The following KLF17 variants were observed in gnomAD, a reference collection of about 807,000 sequenced individuals.
KLF17 encodes the protein KLF transcription factor 17.
A neutral mutation model predicts 34.2 loss-of-function variants in KLF17; 31 were observed. That is an observed-to-expected ratio of 0.91 (90% CI 0.68 to 1.22). KLF17 has a LOEUF of 1.22. Ranked by LOEUF, KLF17 falls within the 50% of genes most tolerant of loss-of-function variation. The pLI, the probability that KLF17 is intolerant of heterozygous loss-of-function variation, is 0.00. For missense variants in KLF17, 478 were observed against 505.2 expected (o/e 0.95, Z 0.52); for synonymous variants, 179 against 186.7 (o/e 0.96, Z 0.34).
At chr1:44,079,487 G>T in the KLF17 span, among the ~76,000 whole-genome samples, 2 of 151,792 alleles carry the variant, frequency 1.3e-5, no homozygotes, top group African/African-American at 4.8e-5. Flanking sequence ...ATTTTTCATA[G>T]AGGTGAGGTC....
chr1:44,057,183 G>A, the KLF17 span, among the ~76,000 whole-genome samples: 1 of 152,066 alleles, frequency 6.6e-6, no homozygotes, highest in Non-Finnish European at 1.5e-5. Flanking sequence ...TGAGACAAAA[G>A]CTTTGCCTCC....
At chr1:44,079,220 T>G in the KLF17 span, among the ~76,000 whole-genome samples, 1 of 152,164 alleles carries the variant, frequency 6.6e-6, no homozygotes, top group African/African-American at 2.4e-5. Context: ...TCCCTACATC[T>G]GCTATGCCTG....
At chr1:44,056,870 T>C in the KLF17 span, among the ~76,000 whole-genome samples, 4 of 152,008 alleles carry the variant, frequency 2.6e-5, no homozygotes, top group Non-Finnish European at 5.9e-5. Context: ...AGGACACCAA[T>C]GGCTAACAGG....
chr1:44,073,412 G>C, the KLF17 span, among the ~76,000 whole-genome samples: 1 of 151,164 alleles, frequency 6.6e-6, no homozygotes. Context: ...CACCATGTTG[G>C]CCAGGCTGGT....
intron 1 of KLF17, 40 bp from the exon 2 acceptor site, chr1:44,129,313 T>G (rs769921945): frequency 6.6e-7 from 1 of 1,506,872 alleles, no homozygotes; most frequent in Non-Finnish European, 8.9e-7. Flanking sequence ...CATGTGGAAC[T>G]GGAATTTGAG....
At chr1:44,052,415 C>G in the KLF17 span, among the ~76,000 whole-genome samples, 1 of 152,204 alleles carries the variant, frequency 6.6e-6, no homozygotes, top group African/African-American at 2.4e-5. Flanking sequence ...GCCACCTGAA[C>G]GTTGTTTTTG....
the KLF17 span, among the ~76,000 whole-genome samples, chr1:44,061,994 C>G: frequency 1.2e-4 from 18 of 152,362 alleles, no homozygotes; most frequent in African/African-American, 3.4e-4. Flanking sequence ...GGTAGCCCTG[C>G]TCTGCAGGAG....
At chr1:44,104,325 T>G in the KLF17 span, 2 of 1,530,068 alleles carry the variant, frequency 1.3e-6, no homozygotes, top group Non-Finnish European at 9.0e-7. Context: ...AGTCTCCAGC[T>G]GCCGCCTAAG....
At chr1:44,119,030 G>T in intron 1 of KLF17, 42 bp downstream of exon 1, 3 of 1,522,202 alleles carry the variant, frequency 2.0e-6, no homozygotes, top group Non-Finnish European at 2.7e-6. Flanking sequence ...GCGGGCCCAG[G>T]CTAGGGGGCG....
At chr1:44,067,706 T>A in the KLF17 span, among the ~76,000 whole-genome samples, 1 of 152,084 alleles carries the variant, frequency 6.6e-6, no homozygotes, top group African/African-American at 2.4e-5. Flanking sequence ...GTTGAGAATA[T>A]GTGATTATTT....
chr1:44,078,259 T>C, the KLF17 span, among the ~76,000 whole-genome samples: 2 of 152,296 alleles, frequency 1.3e-5, no homozygotes, highest in Admixed American at 1.3e-4. Context: ...ATGCAATTTA[T>C]TGCTGCTTGA....
chr1:44,106,256 C>A, the KLF17 span, among the ~76,000 whole-genome samples: 1 of 152,154 alleles, frequency 6.6e-6, no homozygotes, highest in Non-Finnish European at 1.5e-5. Flanking sequence ...CATTCCACTC[C>A]CACTTATCTC....
the KLF17 span, among the ~76,000 whole-genome samples, chr1:44,093,344 C>T: frequency 5.1e-4 from 78 of 152,192 alleles, 2 homozygotes; most frequent in East Asian, 7.5e-3. Context: ...ACTACCCCAG[C>T]GGGGCTTTAG....
chr1:44,083,109 TAAA>T, the KLF17 span, among the ~76,000 whole-genome samples: 1 of 151,080 alleles, frequency 6.6e-6, no homozygotes, highest in African/African-American at 2.4e-5. Context: ...CCCAGCTAAT[TAAA>T]AAAAAATTTT....
At chr1:44,090,592 T>C in the KLF17 span, among the ~76,000 whole-genome samples, 4 of 152,000 alleles carry the variant, frequency 2.6e-5, no homozygotes, top group African/African-American at 7.3e-5. Context: ...TCTGAAATCA[T>C]TGTGTTAAAG....
the KLF17 span, among the ~76,000 whole-genome samples, chr1:44,057,339 A>C: frequency 6.6e-6 from 1 of 152,182 alleles, no homozygotes; most frequent in African/African-American, 2.4e-5. Context: ...AGAAAGGAGA[A>C]CGTTAACAGC....
chr1:44,099,897 G>GA, the KLF17 span, among the ~76,000 whole-genome samples: 1 of 57,994 alleles, frequency 1.7e-5, no homozygotes, highest in South Asian at 7.4e-4. Context: ...AAGAAAGAAA[G>GA]AAAGAAAGAA....
intron 3 of KLF17, among the ~76,000 whole-genome samples, chr1:44,132,556 G>A (rs559022740): frequency 3.9e-5 from 6 of 152,118 alleles, no homozygotes; most frequent in African/African-American, 7.2e-5. Context: ...ATTCTTTCCC[G>A]CCTTTCTTCC....
the KLF17 span, among the ~76,000 whole-genome samples, chr1:44,080,522 G>A: frequency 5.3e-5 from 8 of 152,216 alleles, no homozygotes; most frequent in South Asian, 2.1e-4. Context: ...ACAGGCGTGA[G>A]CCACAGCACC....
Sources: allele counts gnomAD v4.1 joint callset (sites outside exome capture counted in the v4.1 genomes callset), GRCh38; gene constraint gnomAD v4.1.1; transcripts MANE v1.5; gene names NCBI Gene and HGNC (gene_info 2026-07-23, HGNC 2026-07-21).